The following RABGAP1L variants were observed in gnomAD, a reference collection of about 807,000 sequenced individuals.
The protein encoded by RABGAP1L is rab GTPase-activating protein 1-like.
Under a neutral mutation model 137.7 loss-of-function variants are expected in RABGAP1L, and 63 were observed. That is an observed-to-expected ratio of 0.46 (90% CI 0.37 to 0.56). The LOEUF (loss-of-function observed/expected upper bound fraction) is 0.56. Among genes scored for constraint, RABGAP1L ranks in the 20% least tolerant of loss-of-function variants. The pLI is 0.00. For missense variants in RABGAP1L, 1,095 were observed against 1,244.0 expected, an observed-to-expected ratio of 0.88 and a Z score of 1.80; for synonymous variants, 431 against 433.7, an observed-to-expected ratio of 0.99 and a Z score of 0.08.
At chr1:174,332,288 A>C (rs1681095218) in intron 11 of RABGAP1L, among the ~76,000 whole-genome samples, 1 of 152,228 alleles carries the variant, frequency 6.6e-6, no homozygotes, top group Non-Finnish European at 1.5e-5. Context: ...TCTTAAGATC[A>C]TAAGAATGTT....
intron 15 of RABGAP1L, among the ~76,000 whole-genome samples, chr1:174,692,531 G>C (rs1012339623): frequency 6.6e-6 from 1 of 152,172 alleles, no homozygotes; most frequent in Non-Finnish European, 1.5e-5. Flanking sequence ...AAAGCATGGG[G>C]AGGAGGAGGG....
chr1:174,565,236 T>A (rs1357797861), intron 13 of RABGAP1L, among the ~76,000 whole-genome samples: 1 of 152,162 alleles, frequency 6.6e-6, no homozygotes, highest in Non-Finnish European at 1.5e-5. Flanking sequence ...GGAATCAATT[T>A]TATTCTAATC....
At chr1:174,201,663 A>C (rs528255003) in intron 1 of RABGAP1L, among the ~76,000 whole-genome samples, 1 of 137,902 alleles carries the variant, frequency 7.3e-6, no homozygotes, top group South Asian at 2.3e-4. Flanking sequence ...TCTTTTTTTT[A>C]ATTATACTTT....
intron 18 of RABGAP1L, among the ~76,000 whole-genome samples, chr1:174,787,118 T>C (rs1687500752): frequency 6.6e-6 from 1 of 151,972 alleles, no homozygotes; most frequent in Admixed American, 6.6e-5. Flanking sequence ...AAAGAGAAAG[T>C]GAGGCTGGAC....
At position 174,448,573 on chromosome 1, in the gene RABGAP1L, C is replaced by CGTG; in HGVS notation, c.1710+54428_1710+54429insGTG. On this transcript the variant is annotated intron_variant, in intron 13 of 25. Transcript: ENST00000681986. This position sits in a 1 kb window ranked among gnomAD's most constrained non-coding sequence, Gnocchi z 4.2. ...CTCTTTCCTACAATCAACTGGTCAC[C>CGTG]CCTTGTCGCTTGAGAATTTGCATTA... 1 of 1,613,766 alleles carries CGTG rather than the reference C, an allele frequency of 6.2e-7. No homozygotes were observed. Among genetic ancestry groups the CGTG allele is most frequent in the Non-Finnish European group, 8.5e-7 (1 of 1,179,734 alleles).
chr1:174,530,698 C>T (rs1160550642), intron 13 of RABGAP1L, among the ~76,000 whole-genome samples: 1 of 152,122 alleles, frequency 6.6e-6, no homozygotes, highest in Non-Finnish European at 1.5e-5. Context: ...AGTGTTCTCT[C>T]TTGGATGATC....
intron 11 of RABGAP1L, among the ~76,000 whole-genome samples, chr1:174,348,209 C>T (rs955635323): frequency 1.3e-5 from 2 of 150,780 alleles, no homozygotes; most frequent in Non-Finnish European, 3.0e-5. Context: ...TAAATAATAT[C>T]TTATAACCCA....
intron 13 of RABGAP1L, among the ~76,000 whole-genome samples, chr1:174,623,174 CTATTT>C (rs942295032): frequency 6.6e-6 from 1 of 152,106 alleles, no homozygotes; most frequent in African/African-American, 2.4e-5. Flanking sequence ...TCTTGAGGAA[CTATTT>C]TATTATGAAT....
At chr1:174,846,753 C>G (rs1431144332) in intron 19 of RABGAP1L, among the ~76,000 whole-genome samples, 2 of 80,358 alleles carry the variant, frequency 2.5e-5, no homozygotes, top group African/African-American at 6.3e-5. Flanking sequence ...CCGCTTGGTG[C>G]AGAGCTGAGT....
chr1:174,530,217 G>A (rs1440063819), intron 13 of RABGAP1L, among the ~76,000 whole-genome samples: 2 of 151,920 alleles, frequency 1.3e-5, no homozygotes, highest in African/African-American at 4.8e-5. Context: ...CTCAGTCCCA[G>A]TGGTGCTTGT....
intron 17 of RABGAP1L, 65 bp from the exon 18 acceptor site, chr1:174,752,248 T>TG: frequency 8.6e-7 from 1 of 1,158,194 alleles, no homozygotes; most frequent in Non-Finnish European, 1.2e-6. Context: ...GTGGAAGTCT[T>TG]GGGGAAATAA....
At chr1:174,199,582 A>G (rs1252850616) in intron 1 of RABGAP1L, among the ~76,000 whole-genome samples, 1 of 152,174 alleles carries the variant, frequency 6.6e-6, no homozygotes, top group South Asian at 2.1e-4. Flanking sequence ...GTGAGCCACC[A>G]TGCCCGGCCC....
intron 18 of RABGAP1L, among the ~76,000 whole-genome samples, chr1:174,787,955 T>G (rs1487107144): frequency 6.6e-6 from 1 of 152,186 alleles, no homozygotes. Flanking sequence ...TCCACTTTTC[T>G]TTTATCTTCC....
At chr1:174,645,093 G>A (rs981919590) in intron 14 of RABGAP1L, among the ~76,000 whole-genome samples, 1 of 151,972 alleles carries the variant, frequency 6.6e-6, no homozygotes, top group Non-Finnish European at 1.5e-5. Flanking sequence ...AAAAAAGTAC[G>A]TGAGATGATA....
rs190032583 is a variant in RABGAP1L at position 174,619,002 on chromosome 1, T to C, written c.1711-18373T>C. On this transcript the variant is annotated intron_variant, in intron 13 of 25. Coordinates refer to ENST00000681986, the MANE Select transcript of RABGAP1L (RefSeq NM_001366446.1). ...GAACTACGTGACGAATGCACAAGCC[T>C]CAGTAGCCGATTTGATCAACTGGAA... Among the ~76,000 whole-genome samples, 41 of 152,286 alleles carry C rather than the reference T, an allele frequency of 2.7e-4. 1 individual carries two copies. Among genetic ancestry groups the C allele is most frequent in the Non-Finnish European group, 5.4e-4 (37 of 68,032 alleles).
At chr1:174,686,675 T>TG (rs1678488978) in intron 15 of RABGAP1L, among the ~76,000 whole-genome samples, 1 of 133,440 alleles carries the variant, frequency 7.5e-6, no homozygotes, top group Non-Finnish European at 1.6e-5. Flanking sequence ...TTTTTTTTTT[T>TG]GAGATGGAGT....
At chr1:174,671,142 G>A (rs1009912277) in intron 14 of RABGAP1L, among the ~76,000 whole-genome samples, 1 of 152,126 alleles carries the variant, frequency 6.6e-6, no homozygotes, top group African/African-American at 2.4e-5. Context: ...CACCGTTAGT[G>A]CATAGAAATG....
At chr1:174,613,915 T>C (rs1178856548) in intron 13 of RABGAP1L, among the ~76,000 whole-genome samples, 1 of 152,138 alleles carries the variant, frequency 6.6e-6, no homozygotes, top group Non-Finnish European at 1.5e-5. Context: ...GCTTGGTAGA[T>C]CTTCCTCCAT....
intron 13 of RABGAP1L, among the ~76,000 whole-genome samples, chr1:174,436,349 A>G (rs1012913574): frequency 6.6e-6 from 1 of 152,156 alleles, no homozygotes; most frequent in African/African-American, 2.4e-5. Flanking sequence ...TCGCCATTCT[A>G]ACTGGTGTGA....
Sources: gnomAD v4.1 joint callset for allele counts (sites outside exome capture counted in the v4.1 genomes callset) on GRCh38, gnomAD v4.1.1 for gene constraint, Gnocchi (gnomAD v3.1) non-coding constraint, MANE v1.5 for transcripts, NCBI Gene and HGNC (gene_info 2026-07-23, HGNC 2026-07-21) for gene names.